Variants in SLC9A8 observed in about 807,000 individuals in gnomAD.
SLC9A8 encodes the protein sodium/hydrogen exchanger 8.
A neutral mutation model predicts 66.6 loss-of-function variants in SLC9A8; 48 were observed. That is an observed-to-expected ratio of 0.72 (90% CI 0.57 to 0.92). The LOEUF (loss-of-function observed/expected upper bound fraction) is 0.92. Ranked by LOEUF, SLC9A8 falls within the 40% of genes least tolerant of loss-of-function variation. The pLI is 0.00. For synonymous variants in SLC9A8, 274 were observed against 282.6 expected (o/e 0.97, Z 0.31); for missense variants, 599 against 747.3 (o/e 0.80, Z 2.31).
chr20:49,857,673 A>C (rs1024050012), intron 8 of SLC9A8, among the ~76,000 whole-genome samples: 27 of 152,256 alleles, frequency 1.8e-4, no homozygotes, highest in African/African-American at 6.3e-4. Context: ...AGCCAAACTC[A>C]CATCACTGCA....
intron 4 of SLC9A8, among the ~76,000 whole-genome samples, chr20:49,841,583 T>G (rs1394299905): frequency 1.3e-5 from 2 of 151,516 alleles, no homozygotes; most frequent in African/African-American, 4.8e-5. Flanking sequence ...TATAAATTAT[T>G]TATTTATTTC....
In SLC9A8 at chr20:49,834,173, CTCTCTCTCTCTCTA is replaced by C. The variant is rs1206253569; in HGVS notation, c.290-5366_290-5353del. Among the ~76,000 whole-genome samples the C allele has an allele frequency of 9.2e-3, 549 of 59,498 alleles. 3 individuals carry two copies. Among genetic ancestry groups the C allele is most frequent in the East Asian group, 0.06 (115 of 1,908 alleles). 39.0% of individuals were successfully genotyped at this position (59,498 alleles called of 152,430 possible). ...TCTCTCTCTCTCTCTCTCTCTCTCT[CTCTCTCTCTCTCTA>C]TATATATATATATATATATATATAT... is the stretch of plus-strand genomic sequence containing the variant. On this transcript the variant is annotated intron_variant, in intron 3 of 15. Coordinates refer to ENST00000361573, the MANE Select transcript of SLC9A8 (RefSeq NM_015266.3).
intron 10 of SLC9A8, among the ~76,000 whole-genome samples, chr20:49,869,333 C>T (rs1314629349): frequency 6.6e-6 from 1 of 152,114 alleles, no homozygotes; most frequent in Non-Finnish European, 1.5e-5. Context: ...AATTCTCTGC[C>T]TCAGCCTTCC....
At chr20:49,830,761 G>A in intron 3 of SLC9A8, 1 of 785,490 alleles carries the variant, frequency 1.3e-6, no homozygotes, top group Admixed American at 2.1e-5. Context: ...ATAGTCCAAG[G>A]GAGCTTCATA....
rs1282707982 is a variant in SLC9A8 at position 49,891,029 on chromosome 20, C to A, written c.*3093C>A. 4 of 152,314 alleles carry A rather than the reference C, an allele frequency of 2.6e-5. No individual in the cohort carries two copies. The highest frequency in any genetic ancestry group is 1.5e-5 in the Non-Finnish European group (1 of 68,112). The allele number at this position is 152,314 out of a possible 1,614,324, so 9.4% of individuals were successfully genotyped here. ...CAGGTCCGTGTTCCCGCAGGGCGCA[C>A]ATGCTTGGAGAGTCCTCAGCAGGGT... On this transcript the variant is annotated 3_prime_UTR_variant, in exon 16 of 16. Transcript: ENST00000361573.
intron 2 of SLC9A8, among the ~76,000 whole-genome samples, chr20:49,819,219 GTTA>G (rs1420250063): frequency 1.3e-5 from 2 of 152,150 alleles, no homozygotes; most frequent in African/African-American, 2.4e-5. Context: ...ACTTAATGGA[GTTA>G]TTATGATTGA....
Position 49,890,630 on chromosome 20 carries a change from C to T in SLC9A8, c.*2694C>T, listed in dbSNP as rs1368200942. 15 of 152,328 alleles carry T rather than the reference C, an allele frequency of 9.8e-5. No individual in the cohort carries two copies. The highest frequency in any genetic ancestry group is 4.4e-5 in the Non-Finnish European group (3 of 68,130). 9.4% of individuals were successfully genotyped at this position (152,328 alleles called of 1,614,324 possible). A position where few individuals can be genotyped will look rare whatever the true frequency, so the allele number is the denominator to read the frequency against. ...TTGTTATGACCCCTCGGAACAACCA[C>T]CCCGTGGCTTGTGTGGGGTCTCGCA... On this transcript the variant is annotated 3_prime_UTR_variant, in exon 16 of 16. Coordinates refer to ENST00000361573, the MANE Select transcript of SLC9A8 (RefSeq NM_015266.3).
intron 7 of SLC9A8, among the ~76,000 whole-genome samples, chr20:49,852,013 C>T (rs2088274316): frequency 6.6e-6 from 1 of 152,188 alleles, no homozygotes; most frequent in Non-Finnish European, 1.5e-5. Flanking sequence ...GCCCTGTAGA[C>T]ACACTGACTT....
chr20:49,820,894 T>C (rs1309598976), intron 2 of SLC9A8, among the ~76,000 whole-genome samples: 1 of 152,156 alleles, frequency 6.6e-6, no homozygotes, highest in Non-Finnish European at 1.5e-5. Context: ...TGAATCATTG[T>C]ATTTTGATTT....
At chr20:49,859,810 T>C (rs950831065) in intron 8 of SLC9A8, among the ~76,000 whole-genome samples, 6 of 152,216 alleles carry the variant, frequency 3.9e-5, no homozygotes, top group Non-Finnish European at 7.3e-5. Context: ...AGCTACAGCT[T>C]AAGCTCATGA....
chr20:49,879,253 T>C (rs1312282354), intron 12 of SLC9A8, among the ~76,000 whole-genome samples: 2 of 152,190 alleles, frequency 1.3e-5, no homozygotes, highest in African/African-American at 2.4e-5. Context: ...GGAGATGGCC[T>C]ATTCAGGTGG....
rs2088433046 is a variant in SLC9A8 at position 49,855,425 on chromosome 20, C to A, written c.570-13C>A. ...CACATTACAGAATCTCCCCTTCCCT[C>A]TGTCTCTTACAGTTTTGCGTTTGGC... On this transcript the variant is annotated splice_polypyrimidine_tract_variant and intron_variant, in intron 7 of 15. Transcript: ENST00000361573. 2 of 1,613,610 alleles carry A rather than the reference C, an allele frequency of 1.2e-6. No individual in the cohort carries two copies. The highest frequency in any genetic ancestry group is 2.2e-5 in the South Asian group (2 of 91,036).
At chr20:49,868,551 G>A (rs2089068858) in intron 10 of SLC9A8, among the ~76,000 whole-genome samples, 1 of 152,182 alleles carries the variant, frequency 6.6e-6, no homozygotes, top group Non-Finnish European at 1.5e-5. Context: ...CCAAGACCAT[G>A]GAGCAGGACA....
At chr20:49,856,218 C>T (rs1359762579) in intron 8 of SLC9A8, among the ~76,000 whole-genome samples, 1 of 152,146 alleles carries the variant, frequency 6.6e-6, no homozygotes, top group Non-Finnish European at 1.5e-5. Flanking sequence ...TTCATTTGGT[C>T]TGGGGTGAGT....
At chr20:49,832,940 C>G (rs986170208) in intron 3 of SLC9A8, among the ~76,000 whole-genome samples, 17 of 151,570 alleles carry the variant, frequency 1.1e-4, no homozygotes, top group African/African-American at 3.9e-4. Context: ...GAGTCTCACT[C>G]TATCACCCAG....
In SLC9A8 at chr20:49,887,820, T is replaced by C. The variant is rs1215445171; in HGVS notation, c.1639-9T>C. On this transcript the variant is annotated splice_polypyrimidine_tract_variant and intron_variant, in intron 15 of 15. Coordinates refer to ENST00000361573, the MANE Select transcript of SLC9A8 (RefSeq NM_015266.3). ...CGCCCTGACGGCTTGGTTGTGTCTC[T>C]CGACCCAGGACCTGCACCACGGGCG... The C allele has an allele frequency of 6.3e-7, 1 of 1,584,980 alleles. No homozygotes were observed.
Position 49,844,619 on chromosome 20 carries a change from TAAAAAAAAAAAAAA to T in SLC9A8, c.349-399_349-386del, listed in dbSNP as rs35043669. Among the ~76,000 whole-genome samples the T allele has an allele frequency of 4.7e-5, 5 of 106,024 alleles. 1 individual carries two copies. The East Asian group carries it at 1.1e-3, about 23-fold the overall frequency. 69.6% of individuals were successfully genotyped at this position (106,024 alleles called of 152,430 possible). A position where few individuals can be genotyped will look rare whatever the true frequency, so the allele number is the denominator to read the frequency against. ...GGCAACATAGCGGGACCCTGTATCT[TAAAAAAAAAAAAAA>T]AAAAAAAAAAAAAAAAATTAGCCCG... On this transcript the variant is annotated intron_variant, in intron 4 of 15. Coordinates refer to ENST00000361573, the MANE Select transcript of SLC9A8 (RefSeq NM_015266.3).
Position 49,883,868 on chromosome 20 carries a change from T to G in SLC9A8, c.1293T>G (p.Tyr431Ter). The G allele has an allele frequency of 1.2e-6, 2 of 1,607,974 alleles. No homozygotes were observed. The highest frequency in any genetic ancestry group is 1.7e-6 in the Non-Finnish European group (2 of 1,179,948). ...CAGGCCTGCGGGGAGCCATCCCCTA[T>G]GCCCTGAGCCTACACCTGGACCTGG... is the stretch of plus-strand genomic sequence containing the variant. ...WFSGLRGAIP[Y>*]ALSLHLDLEP... The change falls in exon 14 of 16, where the codon TAT becomes TAG. Residue 431 changes from tyrosine to a stop codon, truncating the protein, a stop_gained. Coordinates refer to ENST00000361573, the MANE Select transcript of SLC9A8 (RefSeq NM_015266.3). LOFTEE classifies it high-confidence loss of function.
At chr20:49,858,451 A>G (rs1407835405) in intron 8 of SLC9A8, among the ~76,000 whole-genome samples, 1 of 151,236 alleles carries the variant, frequency 6.6e-6, no homozygotes, top group Non-Finnish European at 1.5e-5. Context: ...AGGTGACATC[A>G]TGAGTTATTT....
Sources: allele counts gnomAD v4.1 joint callset (sites outside exome capture counted in the v4.1 genomes callset), GRCh38; gene constraint gnomAD v4.1.1; transcripts MANE v1.5; gene names NCBI Gene and HGNC (gene_info 2026-07-23, HGNC 2026-07-21).